Variants in PTPA observed in about 807,000 individuals in gnomAD.
PTPA encodes protein phosphatase 2 phosphatase activator, also known as serine/threonine-protein phosphatase 2A activator.
A neutral mutation model predicts 43.6 loss-of-function variants in PTPA; 13 were observed. The ratio of observed to expected loss-of-function variants is 0.30; its 90% CI spans 0.19 to 0.47. The LOEUF (loss-of-function observed/expected upper bound fraction) is 0.47, where lower values mean the gene tolerates loss of function less well. Ranked by LOEUF, PTPA falls within the 20% of genes least tolerant of loss-of-function variation. The pLI, the probability that PTPA is intolerant of heterozygous loss-of-function variation, is 0.99. For synonymous variants in PTPA, 172 were observed against 158.2 expected (o/e 1.09, Z -0.66); for missense variants, 329 against 411.9 (o/e 0.80, Z 1.74).
intron 9 of PTPA, chr9:129,143,556 G>A (rs1333334157): frequency 2.3e-5 from 15 of 660,364 alleles, no homozygotes; most frequent in Non-Finnish European, 4.1e-5. Flanking sequence ...AGCGGGGTGG[G>A]GGAGCACAGA....
chr9:129,143,644 A>C (rs1404042699), intron 9 of PTPA: 2 of 530,024 alleles, frequency 3.8e-6, no homozygotes, highest in Non-Finnish European at 3.4e-6. Flanking sequence ...CCGGGCCCTC[A>C]CTCCCTTCCG....
intron 8 of PTPA, chr9:129,139,887 G>T (rs1320262889): frequency 1.3e-5 from 2 of 152,146 alleles, no homozygotes; most frequent in East Asian, 3.9e-4. Flanking sequence ...ACCCCACCTT[G>T]CAGGGCCTCT....
chr9:129,142,339 T>TGA, intron 8 of PTPA, 106 bp from the exon 9 acceptor site: 2 of 661,608 alleles, frequency 3.0e-6, no homozygotes, highest in Non-Finnish European at 4.2e-6. Flanking sequence ...CGTGTGCGTT[T>TGA]GTGTGTGTGT....
At chr9:129,116,787 T>C in intron 1 of PTPA, among the ~76,000 whole-genome samples, 1 of 152,212 alleles carries the variant, frequency 6.6e-6, no homozygotes. Flanking sequence ...CACCTCTGCC[T>C]ACCAAAGTGC....
chr9:129,118,783 G>C (rs1264023070), intron 1 of PTPA, among the ~76,000 whole-genome samples: 1 of 150,916 alleles, frequency 6.6e-6, no homozygotes, highest in African/African-American at 2.4e-5. Context: ...CCAAAGTGCT[G>C]AGATTACAGG....
At chr9:129,134,643 A>G (rs1479688333) in intron 5 of PTPA, 152 bp from the exon 6 acceptor site, 2 of 620,796 alleles carry the variant, frequency 3.2e-6, no homozygotes, top group South Asian at 2.0e-5. Context: ...AGGGCCTAGC[A>G]AGTCTTTCTG....
At chr9:129,121,855 TG>T (rs1329522369) in intron 2 of PTPA, among the ~76,000 whole-genome samples, 7 of 152,232 alleles carry the variant, frequency 4.6e-5, no homozygotes, top group African/African-American at 1.7e-4. Flanking sequence ...GGCTCAGACT[TG>T]CCCTGGTCTG....
At chr9:129,111,704 A>G (rs888344325) in intron 1 of PTPA, 73 bp downstream of exon 1, 58 of 1,245,054 alleles carry the variant, frequency 4.7e-5, no homozygotes, top group Non-Finnish European at 5.5e-5. Context: ...GAGGCTCAGG[A>G]GGGCGAGAGT....
At chr9:129,111,966 C>A in intron 1 of PTPA, 1 of 348,510 alleles carries the variant, frequency 2.9e-6, no homozygotes, top group Non-Finnish European at 4.9e-6. Context: ...AAGCTGCTGA[C>A]TCGGTGGGGA....
intron 9 of PTPA, among the ~76,000 whole-genome samples, chr9:129,147,098 C>T (rs575900190): frequency 1.0e-3 from 155 of 152,264 alleles, no homozygotes; most frequent in African/African-American, 3.6e-3. Flanking sequence ...CTCAGGTTCC[C>T]AACTTCCCTC....
intron 1 of PTPA, among the ~76,000 whole-genome samples, chr9:129,117,261 G>A (rs1252717974): frequency 6.6e-6 from 1 of 152,048 alleles, no homozygotes; most frequent in Non-Finnish European, 1.5e-5. Context: ...GGTCCAGGCT[G>A]GTTTCAAACT....
Position 129,142,497 on chromosome 9 carries a change from C to T in PTPA, c.839C>T (p.Ala280Val), listed in dbSNP as rs1435979613. Residue 280 changes from alanine (A) to valine (V), a missense_variant, in exon 9 of 10, where the codon GCC (alanine) becomes GTC (valine). By Grantham distance (64) the Ala-to-Val change is moderately conservative. Transcript: ENST00000393370. ...EHSNQLWNIS[A>V]VPSWSKVNQG... ...TCCAACCAGCTGTGGAACATCAGCG[C>T]CGTCCCTTCCTGGTCCAAAGTGAAC... 1 of 1,612,272 alleles carries T rather than the reference C, an allele frequency of 6.2e-7. No individual in the cohort carries two copies. Among genetic ancestry groups the T allele is most frequent in the East Asian group, 2.2e-5 (1 of 44,818 alleles).
At chr9:129,140,622 G>A (rs1157182693) in intron 8 of PTPA, among the ~76,000 whole-genome samples, 1 of 152,192 alleles carries the variant, frequency 6.6e-6, no homozygotes, top group African/African-American at 2.4e-5. Context: ...AGCCCTTGCC[G>A]GGCAGGCCCC....
chr9:129,146,049 C>T (rs1032391756), intron 9 of PTPA, among the ~76,000 whole-genome samples: 1 of 144,564 alleles, frequency 6.9e-6, no homozygotes, highest in South Asian at 2.2e-4. Context: ...GCAACTTCTT[C>T]TATGGGAGCT....
intron 9 of PTPA, 22 bp from the exon 10 acceptor site, chr9:129,147,365 C>G (rs1046123028): frequency 6.2e-7 from 1 of 1,612,566 alleles, no homozygotes; most frequent in African/African-American, 1.3e-5. Flanking sequence ...CACCACTCTG[C>G]TCACCTGCTC....
chr9:129,142,048 C>A, intron 8 of PTPA: 1 of 172,002 alleles, frequency 5.8e-6, no homozygotes, highest in Middle Eastern at 2.6e-3. Context: ...TCTGAGGCTC[C>A]TGGGGAGTCG....
chr9:129,111,822 C>G (rs1315435661), intron 1 of PTPA, 191 bp downstream of exon 1: 1 of 1,223,012 alleles, frequency 8.2e-7, no homozygotes, highest in Non-Finnish European at 1.0e-6. Flanking sequence ...GGGGAGGGAA[C>G]CAGGGGCTGC....
At chr9:129,111,349 C>T (rs115207631), upstream of PTPA, 391 of 1,196,442 alleles carry the variant, frequency 3.3e-4, no homozygotes, top group African/African-American at 5.4e-3. Context: ...CTGACATGGC[C>T]GTCGCCCGGT....
intron 1 of PTPA, among the ~76,000 whole-genome samples, chr9:129,113,821 G>A (rs1353425228): frequency 6.6e-6 from 1 of 152,080 alleles, no homozygotes; most frequent in Non-Finnish European, 1.5e-5. Context: ...TCAGGAGATA[G>A]GAGATATAAG....
Sources: gnomAD v4.1 joint callset for allele counts (sites outside exome capture counted in the v4.1 genomes callset) on GRCh38, gnomAD v4.1.1 for gene constraint, MANE v1.5 for transcripts, NCBI Gene and HGNC (gene_info 2026-07-23, HGNC 2026-07-21) for gene names.